Variants in WNT9B observed in about 807,000 individuals in gnomAD.
WNT9B encodes the protein Wnt family member 9B, also known as protein Wnt-9b.
Under a neutral mutation model 30.2 loss-of-function variants are expected in WNT9B, and 12 were observed. The ratio of observed to expected loss-of-function variants is 0.40; its 90% CI spans 0.26 to 0.64. The LOEUF (loss-of-function observed/expected upper bound fraction) is 0.64, where lower values mean the gene tolerates loss of function less well. Among genes scored for constraint, WNT9B ranks in the 30% least tolerant of loss-of-function variants. WNT9B has a pLI of 0.42. For synonymous variants in WNT9B, 218 were observed against 216.9 expected, an observed-to-expected ratio of 1.01 and a Z score of -0.05; for missense variants, 442 against 485.2, an observed-to-expected ratio of 0.91 and a Z score of 0.84.
intron 1 of WNT9B, among the ~76,000 whole-genome samples, chr17:46,854,999 C>T (rs187033699): frequency 6.6e-6 from 1 of 152,210 alleles, no homozygotes; most frequent in South Asian, 2.1e-4. Context: ...ATCTGATCCT[C>T]AGAGCCATTT....
chr17:46,860,662 C>T (rs1040091555), intron 1 of WNT9B, among the ~76,000 whole-genome samples: 1 of 152,192 alleles, frequency 6.6e-6, no homozygotes, highest in Middle Eastern at 3.2e-3. Context: ...ATCTGCCTTA[C>T]AGCGTCCCAC....
chr17:46,867,547 G>A (rs1308084992), intron 1 of WNT9B, among the ~76,000 whole-genome samples: 3 of 152,274 alleles, frequency 2.0e-5, no homozygotes, highest in Non-Finnish European at 4.4e-5. Flanking sequence ...CCAGGCAGGG[G>A]GTGGGTGATT....
At chr17:46,842,518 G>A (rs2084728264) in intron 1 of WNT9B, among the ~76,000 whole-genome samples, 2 of 152,092 alleles carry the variant, frequency 1.3e-5, no homozygotes, top group African/African-American at 4.8e-5. Flanking sequence ...CGAACCACAG[G>A]TGCATACCAC....
chr17:46,875,474 G>A (rs768490780), intron 3 of WNT9B, 108 bp downstream of exon 3: 34 of 1,378,534 alleles, frequency 2.5e-5, no homozygotes, highest in South Asian at 1.4e-4. Context: ...ATGAAGAGCC[G>A]TGAACTTCAT....
intron 2 of WNT9B, among the ~76,000 whole-genome samples, chr17:46,873,041 G>T (rs939766431): frequency 6.6e-6 from 1 of 151,562 alleles, no homozygotes; most frequent in African/African-American, 2.4e-5. Flanking sequence ...TCCTGGAGGA[G>T]CTCACAGATA....
chr17:46,852,125 G>C (rs1352506625), intron 1 of WNT9B, among the ~76,000 whole-genome samples: 1 of 152,240 alleles, frequency 6.6e-6, no homozygotes, highest in Non-Finnish European at 1.5e-5. Flanking sequence ...CCGGCGAGCC[G>C]TCCTTGCCTC....
chr17:46,883,274 G>A (rs1420321513), downstream of WNT9B, among the ~76,000 whole-genome samples: 3 of 149,030 alleles, frequency 2.0e-5, no homozygotes, highest in South Asian at 4.2e-4. Flanking sequence ...GAGCTACTGC[G>A]CCCGGCCTTT....
In WNT9B at chr17:46,868,318, G is replaced by A. The variant is rs970654605; in HGVS notation, c.78-4199G>A. ...TTAAGACCCCCATATTTGGCTGGGC[G>A]TGGTGGCTCATGCCTGTAATCCCAG... On this transcript the variant is annotated intron_variant, in intron 1 of 3. Transcript: ENST00000290015. Among the ~76,000 whole-genome samples, 8 of 152,318 alleles carry A rather than the reference G, an allele frequency of 5.3e-5. No homozygotes were observed. The South Asian group carries it at 6.2e-4, about 12-fold the overall frequency.
At chr17:46,875,036 T>C (rs538310206) in intron 2 of WNT9B, 65 bp from the exon 3 acceptor site, 1 of 1,612,938 alleles carries the variant, frequency 6.2e-7, no homozygotes, top group East Asian at 2.2e-5. Context: ...AGGCAACCTC[T>C]AAGCTTCCTC....
chr17:46,876,068 G>A (rs1598867438), intron 3 of WNT9B, among the ~76,000 whole-genome samples, 177 bp from the exon 4 acceptor site: 1 of 152,348 alleles, frequency 6.6e-6, no homozygotes, highest in African/African-American at 2.4e-5. Flanking sequence ...GCTGTGTTCA[G>A]TCGCGTAAGT....
At chr17:46,834,501 C>T (rs565291110) in intron 1 of WNT9B, among the ~76,000 whole-genome samples, 6 of 152,288 alleles carry the variant, frequency 3.9e-5, no homozygotes, top group East Asian at 3.9e-4. Flanking sequence ...ACAGGGGGTA[C>T]GGAGCTCCTT....
At chr17:46,868,760 G>A (rs904793394) in intron 1 of WNT9B, among the ~76,000 whole-genome samples, 2 of 152,154 alleles carry the variant, frequency 1.3e-5, no homozygotes, top group Non-Finnish European at 2.9e-5. Flanking sequence ...CCCAGTGAGT[G>A]GTGTCTGCAG....
intron 1 of WNT9B, among the ~76,000 whole-genome samples, chr17:46,836,671 A>ATTTTATCATTTTATC: frequency 6.6e-6 from 1 of 152,336 alleles, no homozygotes; most frequent in East Asian, 1.9e-4. Context: ...GATAAAATGA[A>ATTTTATCATTTTATC]ACCCACTGTG....
chr17:46,842,947 C>T lies in WNT9B; in HGVS notation c.95+9507C>T, dbSNP rs1598829199. On this transcript the variant is annotated intron_variant, in intron 1 of 2. Transcript: ENST00000575372. ...ATTTTATGGATGAAGAAACCGAGGTCGCAGAGGAAGCCAGAGACAAGATTT... is the reference window on the plus strand; with the variant it reads ...ATTTTATGGATGAAGAAACCGAGGTTGCAGAGGAAGCCAGAGACAAGATTT... Among the ~76,000 whole-genome samples the T allele has an allele frequency of 3.3e-5, 5 of 152,266 alleles. No individual in the cohort carries two copies. The East Asian group carries it at 7.7e-4, about 23-fold the overall frequency.
chr17:46,837,151 C>T (rs2146515122), intron 1 of WNT9B, among the ~76,000 whole-genome samples: 1 of 152,296 alleles, frequency 6.6e-6, no homozygotes, highest in South Asian at 2.1e-4. Context: ...CCATGTTGGC[C>T]AGGCTGGTCT....
At chr17:46,834,996 C>CCTTCTT (rs971913593) in intron 1 of WNT9B, among the ~76,000 whole-genome samples, 1 of 144,914 alleles carries the variant, frequency 6.9e-6, no homozygotes, top group Admixed American at 6.7e-5. Flanking sequence ...TTCTCCTTCT[C>CCTTCTT]CTTCTTCTTC....
intron 1 of WNT9B, among the ~76,000 whole-genome samples, chr17:46,837,883 G>A (rs899787622): frequency 6.6e-6 from 1 of 152,196 alleles, no homozygotes; most frequent in Non-Finnish European, 1.5e-5. Flanking sequence ...TGCAGTGATT[G>A]TTTTCTGACA....
intron 1 of WNT9B, among the ~76,000 whole-genome samples, chr17:46,837,606 A>G (rs1360212451): frequency 6.6e-6 from 1 of 152,162 alleles, no homozygotes; most frequent in African/African-American, 2.4e-5. Flanking sequence ...AATAAACGCT[A>G]GAGGTGGGAT....
At chr17:46,840,244 G>A (rs947788483) in intron 1 of WNT9B, among the ~76,000 whole-genome samples, 1 of 151,672 alleles carries the variant, frequency 6.6e-6, no homozygotes, top group Non-Finnish European at 1.5e-5. Context: ...CCGACACCAC[G>A]CCCGGCTAAT....
Sources: gnomAD v4.1 joint callset for allele counts (sites outside exome capture counted in the v4.1 genomes callset) on GRCh38, gnomAD v4.1.1 for gene constraint, MANE v1.5 for transcripts, NCBI Gene and HGNC (gene_info 2026-07-23, HGNC 2026-07-21) for gene names.